FAT3: variants seen among roughly 807,000 people sequenced by gnomAD.
The protein encoded by FAT3 is FAT atypical cadherin 3, also known as protocadherin Fat 3.
A neutral mutation model predicts 310.2 loss-of-function variants in FAT3; 95 were observed. That is an observed-to-expected ratio of 0.31 (90% CI 0.26 to 0.36). The LOEUF (loss-of-function observed/expected upper bound fraction) is 0.36. Ranked by LOEUF, FAT3 falls within the 10% of genes least tolerant of loss-of-function variation. The probability of loss-of-function intolerance (pLI) is 1.00; values close to 1 mark genes in which losing one functional copy is unlikely to be tolerated. For missense variants in FAT3, 5,408 were observed against 5,715.6 expected, an observed-to-expected ratio of 0.95 and a Z score of 1.74; for synonymous variants, 2,314 against 2,192.9, an observed-to-expected ratio of 1.06 and a Z score of -1.54.
chr11:92,640,495 TTTA>T lies in FAT3; in HGVS notation c.3608-56886_3608-56884del, dbSNP rs1442697368. Among the ~76,000 whole-genome samples the T allele has an allele frequency of 5.3e-5, 8 of 152,160 alleles. No individual in the cohort carries two copies. The East Asian group carries it at 1.3e-3, about 26-fold the overall frequency. ...TAATTACTGCCATTATGACTATTAT[TTTA>T]TTGTTATTAATAGAACAGGTTAGAA... On this transcript the variant is annotated intron_variant, in intron 3 of 27. Coordinates refer to ENST00000525166, the MANE Select transcript of FAT3 (RefSeq NM_001367949.2).
chr11:92,829,836 C>G (rs1258952062), intron 13 of FAT3, among the ~76,000 whole-genome samples: 4 of 152,188 alleles, frequency 2.6e-5, no homozygotes, highest in Non-Finnish European at 4.4e-5. Flanking sequence ...AGAACAGGCT[C>G]TCAGTGTTGA....
intron 3 of FAT3, among the ~76,000 whole-genome samples, chr11:92,561,494 A>G (rs1955225519): frequency 6.6e-6 from 1 of 152,180 alleles, no homozygotes; most frequent in Non-Finnish European, 1.5e-5. Context: ...CTTTGTTCCC[A>G]TAAAAAATCT....
chr11:92,683,277 C>G (rs1196029943), intron 3 of FAT3, among the ~76,000 whole-genome samples: 3 of 152,114 alleles, frequency 2.0e-5, no homozygotes, highest in East Asian at 3.9e-4. Context: ...GTTAAGAGAG[C>G]TGACTGATTG....
intron 3 of FAT3, among the ~76,000 whole-genome samples, chr11:92,601,151 C>G (rs1940003069): frequency 6.6e-6 from 1 of 151,422 alleles, no homozygotes; most frequent in Admixed American, 6.6e-5. Flanking sequence ...TATGAGTCAA[C>G]TGTTTTTTAA....
At chr11:92,491,656 C>T (rs1373851896) in intron 2 of FAT3, among the ~76,000 whole-genome samples, 4 of 152,042 alleles carry the variant, frequency 2.6e-5, no homozygotes, top group Admixed American at 2.0e-4. Context: ...AGGGGGATGA[C>T]ATTAGAGCAA....
At chr11:92,227,997 A>G (rs900248980) in intron 1 of FAT3, among the ~76,000 whole-genome samples, 2 of 152,074 alleles carry the variant, frequency 1.3e-5, no homozygotes, top group African/African-American at 2.4e-5. Flanking sequence ...TCAATCATGA[A>G]TCTCAGTTGT....
chr11:92,586,409 CT>C (rs1939160046), intron 3 of FAT3, among the ~76,000 whole-genome samples: 1 of 151,860 alleles, frequency 6.6e-6, no homozygotes, highest in Non-Finnish European at 1.5e-5. Flanking sequence ...AAACTAAAGC[CT>C]TGTGACCACT....
Position 92,352,137 on chromosome 11 carries a change from G to A in FAT3, c.25G>A (p.Val9Met). 7.3e-7 allele frequency: 1 copy of A among 1,363,372 alleles called. No individual in the cohort carries two copies. Among genetic ancestry groups the A allele is most frequent in the East Asian group, 4.6e-5 (1 of 21,922 alleles). The allele number at this position is 1,363,372 out of a possible 1,614,324, so 84.5% of individuals were successfully genotyped here. A position where few individuals can be genotyped will look rare whatever the true frequency, so the allele number is the denominator to read the frequency against. Residue 9 changes from valine (V) to methionine (M), a missense_variant, in exon 2 of 28, where the codon GTG becomes ATG. This residue lies in a region of FAT3 where 152 missense variants were observed against 188.3 expected (regional missense o/e 0.81). Coordinates refer to ENST00000525166, the MANE Select transcript of FAT3 (RefSeq NM_001367949.2). MDIIMGHC[V>M]GTRPPACCLI... ...GATGGATATAATTATGGGACACTGT[G>A]TGGGCACACGGCCTCCTGCTTGTTG...
chr11:92,451,094 T>C (rs1168115456), intron 2 of FAT3, among the ~76,000 whole-genome samples: 1 of 152,138 alleles, frequency 6.6e-6, no homozygotes, highest in African/African-American at 2.4e-5. Context: ...CAGAAAGGTT[T>C]AGGTGATTTT....
At chr11:92,472,540 C>G (rs968614070) in intron 2 of FAT3, among the ~76,000 whole-genome samples, 3 of 152,152 alleles carry the variant, frequency 2.0e-5, no homozygotes, top group African/African-American at 7.2e-5. Context: ...ATAAAACTGC[C>G]TAGCTCTGTG....
chr11:92,747,223 T>C (rs1724721610), intron 4 of FAT3, among the ~76,000 whole-genome samples: 2 of 152,234 alleles, frequency 1.3e-5, no homozygotes, highest in Non-Finnish European at 2.9e-5. Context: ...CTCTGAAATC[T>C]AGGCAGAAGA....
intron 2 of FAT3, among the ~76,000 whole-genome samples, chr11:92,409,261 CGTGTGT>C (rs36122158): frequency 1.3e-5 from 2 of 149,902 alleles, no homozygotes; most frequent in East Asian, 2.0e-4. Flanking sequence ...GTGTGTGTGT[CGTGTGT>C]GTGTGTGTGT....
At chr11:92,615,323 T>A (rs1940749556) in intron 3 of FAT3, among the ~76,000 whole-genome samples, 1 of 152,202 alleles carries the variant, frequency 6.6e-6, no homozygotes, top group Non-Finnish European at 1.5e-5. Context: ...CTTCGCTCAC[T>A]GCAACCTCCG....
At chr11:92,659,884 T>C (rs1358472838) in intron 3 of FAT3, among the ~76,000 whole-genome samples, 2 of 152,170 alleles carry the variant, frequency 1.3e-5, no homozygotes, top group Admixed American at 1.3e-4. Context: ...GTGAATGTGT[T>C]GTTTTTACAC....
rs1954898483 is a variant in FAT3 at position 92,553,675 on chromosome 11, C to CCTTCCTTCCTTCCTTCCTT, written c.3607+28728_3607+28729insTTCCTTCCTTCCTTCCTTC. 2.0e-3 allele frequency among the ~76,000 whole-genome samples: 213 copies of CCTTCCTTCCTTCCTTCCTT among 108,360 alleles called. 1 individual carries two copies. The highest frequency in any genetic ancestry group is 5.7e-3 in the African/African-American group (189 of 33,030). The allele number at this position is 108,360 out of a possible 152,430, so 71.1% of individuals were successfully genotyped here. On this transcript the variant is annotated intron_variant, in intron 3 of 27. Transcript: ENST00000525166. ...TAGACATAAATTCTAGAATCTCCGT[C>CCTTCCTTCCTTCCTTCCTT]CCTTCCTTCCTTCCTTCCTTCCTTC...
intron 2 of FAT3, among the ~76,000 whole-genome samples, chr11:92,415,823 C>A: frequency 7.0e-6 from 1 of 143,148 alleles, no homozygotes; most frequent in Non-Finnish European, 1.5e-5. Flanking sequence ...AGAAAAAGTA[C>A]CAATCTTTTA....
intron 10 of FAT3, 51 bp downstream of exon 10, chr11:92,801,960 A>G: frequency 6.6e-7 from 1 of 1,518,216 alleles, no homozygotes; most frequent in Non-Finnish European, 9.0e-7. Context: ...ATAAAGAAAG[A>G]TGGAAGATGG....
chr11:92,412,738 T>C (rs373860755), intron 2 of FAT3, among the ~76,000 whole-genome samples: 23 of 63,680 alleles, frequency 3.6e-4, no homozygotes, highest in East Asian at 7.4e-4. Flanking sequence ...TATATATATA[T>C]ATATATAAAT....
intron 3 of FAT3, among the ~76,000 whole-genome samples, chr11:92,669,085 G>A (rs1286242893): frequency 6.6e-6 from 1 of 152,184 alleles, no homozygotes; most frequent in Non-Finnish European, 1.5e-5. Context: ...AGACACCTTC[G>A]AAAGTACCAT....
Sources: allele counts gnomAD v4.1 joint callset (sites outside exome capture counted in the v4.1 genomes callset), GRCh38; gene constraint gnomAD v4.1.1; regional missense constraint gnomAD v4.1.1; transcripts MANE v1.5; gene names NCBI Gene and HGNC (gene_info 2026-07-23, HGNC 2026-07-21).